PAX5: variants seen among roughly 807,000 people sequenced by gnomAD.
PAX5 encodes the protein paired box 5.
In PAX5, 9 loss-of-function variants were observed where a neutral mutation model predicts 43.7. The observed-to-expected ratio is 0.21, with a 90% CI of 0.12 to 0.36. The LOEUF is 0.36. Among genes scored for constraint, PAX5 ranks in the 10% least tolerant of loss-of-function variants. The pLI is 1.00. For missense variants in PAX5, 383 were observed against 532.7 expected (o/e 0.72, Z 2.77); for synonymous variants, 228 against 214.3 (o/e 1.06, Z -0.56).
intron 6 of PAX5, among the ~76,000 whole-genome samples, chr9:36,953,435 C>T (rs866028909): frequency 6.6e-6 from 1 of 152,304 alleles, no homozygotes; most frequent in South Asian, 2.1e-4. Flanking sequence ...TCTCTCTTCT[C>T]CTTCCGGCAA....
intron 4 of PAX5, 42 bp downstream of exon 4, chr9:37,006,431 A>G: frequency 7.3e-7 from 1 of 1,361,486 alleles, no homozygotes; most frequent in Non-Finnish European, 1.1e-6. Context: ...GAATATTTGG[A>G]GCCCATTAGA....
chr9:36,926,656 G>T (rs1375556510), intron 6 of PAX5, among the ~76,000 whole-genome samples: 1 of 152,210 alleles, frequency 6.6e-6, no homozygotes, highest in African/African-American at 2.4e-5. Context: ...CTCTGACAAG[G>T]GTCTTTTCCT....
chr9:36,877,517 A>G (rs1185439643), intron 8 of PAX5, among the ~76,000 whole-genome samples: 1 of 152,224 alleles, frequency 6.6e-6, no homozygotes, highest in Non-Finnish European at 1.5e-5. Context: ...TCATTGCAGC[A>G]TAGCAACCTC....
intron 6 of PAX5, among the ~76,000 whole-genome samples, chr9:36,933,161 A>G (rs2132021905): frequency 6.7e-6 from 1 of 149,212 alleles, no homozygotes; most frequent in South Asian, 2.1e-4. Context: ...AAAAAAAAGG[A>G]AAAAAAAGAA....
chr9:37,023,240 A>T (rs976183528), intron 1 of PAX5, among the ~76,000 whole-genome samples: 51 of 152,188 alleles, frequency 3.4e-4, no homozygotes, highest in Non-Finnish European at 6.3e-4. Context: ...AAGGTGGCAC[A>T]CAACGGGAGG....
intron 6 of PAX5, among the ~76,000 whole-genome samples, chr9:36,958,386 G>T (rs545252916): frequency 1.9e-3 from 282 of 151,992 alleles, no homozygotes; most frequent in Non-Finnish European, 3.2e-3. Flanking sequence ...TTCCCATTTT[G>T]CTTTGACCAT....
chr9:36,866,657 AT>A (rs1824914333), intron 8 of PAX5, among the ~76,000 whole-genome samples: 1 of 151,970 alleles, frequency 6.6e-6, no homozygotes, highest in African/African-American at 2.4e-5. Context: ...CTTCTTTTTT[AT>A]TGCTTCGGTG....
At chr9:36,860,996 TGA>T (rs1824164028) in intron 8 of PAX5, 1 of 152,096 alleles carries the variant, frequency 6.6e-6, no homozygotes, top group African/African-American at 2.4e-5. Context: ...CACACCTGGC[TGA>T]GAGATGGCTC....
chr9:36,834,989 G>A lies in PAX5; in HGVS notation c.*5571C>T, dbSNP rs953720484. On this transcript the variant is annotated 3_prime_UTR_variant, in exon 10 of 10. Coordinates refer to ENST00000358127, the MANE Select transcript of PAX5 (RefSeq NM_016734.3). ...CCTCCCTGGGCCCCGATCAGCCACC[G>A]GAAGCTGATGGGTGGGTGGGTTTGT... 3.4e-5 allele frequency: 8 copies of A among 233,256 alleles called. No individual in the cohort carries two copies. The highest frequency in any genetic ancestry group is 8.8e-5 in the African/African-American group (4 of 45,364). 14.4% of individuals were successfully genotyped at this position (233,256 alleles called of 1,614,324 possible).
chr9:36,911,581 C>A (rs1010909295), intron 7 of PAX5, among the ~76,000 whole-genome samples: 1 of 152,204 alleles, frequency 6.6e-6, no homozygotes. Context: ...TTTTTTACAG[C>A]GCCTTTTGGC....
intron 6 of PAX5, among the ~76,000 whole-genome samples, chr9:36,928,693 A>G (rs192045877): frequency 1.3e-5 from 2 of 152,294 alleles, no homozygotes; most frequent in Non-Finnish European, 2.9e-5. Flanking sequence ...CCCCACATCG[A>G]GTCAGGTCAC....
intron 1 of PAX5, among the ~76,000 whole-genome samples, chr9:37,025,253 C>T (rs142914281): frequency 6.6e-6 from 1 of 152,198 alleles, no homozygotes; most frequent in Non-Finnish European, 1.5e-5. Context: ...CCGCAGCCAG[C>T]CCTGGCTGCC....
In PAX5 at chr9:36,891,269, T is replaced by C. The variant is rs150975749; in HGVS notation, c.911-9164A>G. Among the ~76,000 whole-genome samples the C allele has an allele frequency of 3.4e-4, 52 of 152,290 alleles. No homozygotes were observed. In the East Asian group the frequency reaches 9.5e-3, roughly 28 times the overall value. On this transcript the variant is annotated intron_variant, in intron 7 of 9. Transcript: ENST00000358127. Reference sequence around the variant, plus strand: ...AAAAGGTGAACAATGCCAAAGACAATGACATGAGCTGAAGATTTTCAACAA... The same window carrying C: ...AAAAGGTGAACAATGCCAAAGACAACGACATGAGCTGAAGATTTTCAACAA...
intron 7 of PAX5, among the ~76,000 whole-genome samples, chr9:36,902,542 C>T (rs763745670): frequency 2.6e-5 from 4 of 152,198 alleles, no homozygotes; most frequent in Non-Finnish European, 5.9e-5. Flanking sequence ...CACAGAGAAA[C>T]TAGGCCACTG....
At chr9:37,014,900 A>T (rs1241045492) in intron 3 of PAX5, 97 bp downstream of exon 3, 2 of 1,179,268 alleles carry the variant, frequency 1.7e-6, no homozygotes, top group Non-Finnish European at 1.2e-6. Context: ...CCTTGGTGAA[A>T]AAAGAGACCA....
rs887717918 is a variant in PAX5 at position 36,906,652 on chromosome 9, A to C, written c.910+16703T>G. On this transcript the variant is annotated intron_variant, in intron 7 of 9. Transcript: ENST00000358127. The stretch of plus-strand genomic sequence containing the variant: ...AGGAGGTCAATGGAACATCCAAGAC[A>C]GGCAGCCGTCAGGCCTGCTCCACGC... Among the ~76,000 whole-genome samples, 6 of 152,204 alleles carry C rather than the reference A, an allele frequency of 3.9e-5. No individual in the cohort carries two copies. In the East Asian group the frequency reaches 1.2e-3, roughly 29 times the overall value.
intron 7 of PAX5, among the ~76,000 whole-genome samples, chr9:36,911,663 G>T (rs1829302080): frequency 6.6e-6 from 1 of 152,220 alleles, no homozygotes; most frequent in South Asian, 2.1e-4. Flanking sequence ...GAGAGAAGAG[G>T]TATTTCACTG....
intron 7 of PAX5, among the ~76,000 whole-genome samples, chr9:36,904,916 C>A (rs1342556966): frequency 6.6e-6 from 1 of 152,166 alleles, no homozygotes; most frequent in Non-Finnish European, 1.5e-5. Context: ...AAGGCAGAGA[C>A]AATTCAGAAT....
At chr9:36,922,052 G>A (rs888475144) in intron 7 of PAX5, among the ~76,000 whole-genome samples, 1 of 152,174 alleles carries the variant, frequency 6.6e-6, no homozygotes, top group African/African-American at 2.4e-5. Context: ...TCAGGTGGAT[G>A]GGGGACAAAG....
Sources: allele counts gnomAD v4.1 joint callset (sites outside exome capture counted in the v4.1 genomes callset), GRCh38; gene constraint gnomAD v4.1.1; transcripts MANE v1.5; gene names NCBI Gene and HGNC (gene_info 2026-07-23, HGNC 2026-07-21).